GNS: variants seen among roughly 807,000 people sequenced by gnomAD.
GNS encodes N-acetylglucosamine-6-sulfatase.
A neutral mutation model predicts 69.7 loss-of-function variants in GNS; 40 were observed. That is an observed-to-expected ratio of 0.57 (90% CI 0.45 to 0.75). The LOEUF (loss-of-function observed/expected upper bound fraction) is 0.75. GNS is among the 30% of genes least tolerant of loss of function. The pLI is 0.00. For missense variants in GNS, 565 were observed against 685.5 expected (o/e 0.82, Z 1.96); for synonymous variants, 243 against 251.6 (o/e 0.97, Z 0.32).
At chr12:64,746,051 A>G (rs1869888649) in intron 3 of GNS, 4 of 398,504 alleles carry the variant, frequency 1.0e-5, no homozygotes, top group South Asian at 1.0e-4. Context: ...TTCAAATTTT[A>G]ACAGCGATAA....
chr12:64,736,484 T>G (rs1480692760), intron 9 of GNS, among the ~76,000 whole-genome samples: 1 of 152,222 alleles, frequency 6.6e-6, no homozygotes, highest in Non-Finnish European at 1.5e-5. Flanking sequence ...ATCTGCATTT[T>G]AACCAGATCC....
chr12:64,750,429 C>G (rs914555014), intron 2 of GNS, among the ~76,000 whole-genome samples: 1 of 152,068 alleles, frequency 6.6e-6, no homozygotes, highest in Non-Finnish European at 1.5e-5. Context: ...CTCCTGAGCT[C>G]AAGCAATCCA....
intron 12 of GNS, among the ~76,000 whole-genome samples, chr12:64,720,579 AT>A (rs1326437114): frequency 1.3e-5 from 2 of 152,258 alleles, no homozygotes; most frequent in Admixed American, 6.5e-5. Flanking sequence ...GAGAGCGAAT[AT>A]TTAAAGGTGA....
intron 7 of GNS, among the ~76,000 whole-genome samples, chr12:64,739,903 G>T (rs1592502297): frequency 6.6e-6 from 1 of 152,184 alleles, no homozygotes; most frequent in African/African-American, 2.4e-5. Context: ...ATTCAGATAG[G>T]ACTGTGCTAC....
chr12:64,716,598 G>T lies in GNS; in HGVS notation c.*143C>A. ...CATTGCACGAGGAAGTCAGCTGACT[G>T]GGTTGCTTTTTCAAACAGGACTTAA... On this transcript the variant is annotated 3_prime_UTR_variant, in exon 14 of 14. Coordinates refer to ENST00000258145, the MANE Select transcript of GNS (RefSeq NM_002076.4). 1.4e-6 allele frequency: 1 copy of T among 696,726 alleles called. No homozygotes were observed. 43.2% of individuals were successfully genotyped at this position (696,726 alleles called of 1,614,324 possible).
In GNS at chr12:64,732,153, A is replaced by ATTTTTTTTTTTTTTT. The variant is rs1210247666; in HGVS notation, c.1099-3097_1099-3096insAAAAAAAAAAAAAAA. 1.3e-3 allele frequency among the ~76,000 whole-genome samples: 118 copies of ATTTTTTTTTTTTTTT among 88,744 alleles called. 26 individuals carry two copies. The highest frequency in any genetic ancestry group is 1.9e-3 in the Non-Finnish European group (94 of 48,546). 58.2% of individuals were successfully genotyped at this position (88,744 alleles called of 152,430 possible). On this transcript the variant is annotated intron_variant, in intron 9 of 13. Coordinates refer to ENST00000258145, the MANE Select transcript of GNS (RefSeq NM_002076.4). ...AGGCACCTGCCACCACACCTGGCTAATTTTTTTTTTTTGTTGTTTTTTTTT... is the reference window on the plus strand; with the variant it reads ...AGGCACCTGCCACCACACCTGGCTAATTTTTTTTTTTTTTTTTTTTTTTTTTTGTTGTTTTTTTTT...
intron 1 of GNS, among the ~76,000 whole-genome samples, chr12:64,757,202 G>A (rs752165962): frequency 9.9e-5 from 15 of 152,106 alleles, no homozygotes; most frequent in Non-Finnish European, 1.3e-4. Context: ...CTGGCTTAAC[G>A]AAGCAAATTG....
At chr12:64,718,428 C>T (rs1473906319) in intron 13 of GNS, among the ~76,000 whole-genome samples, 2 of 152,256 alleles carry the variant, frequency 1.3e-5, no homozygotes, top group Non-Finnish European at 2.9e-5. Context: ...TAGGAAATAA[C>T]GTATTCACTT....
At chr12:64,717,339 CAT>C (rs1243460490) in intron 13 of GNS, among the ~76,000 whole-genome samples, 2 of 152,114 alleles carry the variant, frequency 1.3e-5, no homozygotes, top group African/African-American at 4.8e-5. Flanking sequence ...TCACCATAAA[CAT>C]GAGTCATTTT....
Position 64,759,106 on chromosome 12 carries a change from C to G in GNS, c.171G>C (p.Gln57His). 1.3e-6 allele frequency: 2 copies of G among 1,564,186 alleles called. No individual in the cohort carries two copies. The highest frequency in any genetic ancestry group is 2.3e-5 in the South Asian group (2 of 85,182). Residue 57 changes from glutamine to histidine, a missense_variant, in exon 1 of 14, where the codon CAG (glutamine) becomes CAC (histidine). Around this residue, in one of 2 missense-constraint regions of GNS, gnomAD observed 181 missense variants for 174.4 expected, o/e 1.04. Transcript: ENST00000258145. The part of the protein sequence containing the change: ...PNVVLLLTDD[Q>H]DEVLGGMTPL... ...TTACCATGCCGCCGAGCACTTCGTC[C>G]TGGTCGTCCGTGAGGAGCAGCACCA...
At chr12:64,742,527 A>G (rs1869777986) in intron 6 of GNS, among the ~76,000 whole-genome samples, 1 of 152,240 alleles carries the variant, frequency 6.6e-6, no homozygotes, top group Admixed American at 6.5e-5. Context: ...AAGTGGTAGT[A>G]CTGAGTTTGA....
chr12:64,731,318 C>T (rs1050417803), intron 9 of GNS, among the ~76,000 whole-genome samples: 1 of 152,218 alleles, frequency 6.6e-6, no homozygotes, highest in East Asian at 1.9e-4. Context: ...TTCAAGTGAT[C>T]CGCCTGCCCT....
At chr12:64,733,891 CAATA>C in intron 9 of GNS, among the ~76,000 whole-genome samples, 1 of 150,976 alleles carries the variant, frequency 6.6e-6, no homozygotes, top group Admixed American at 6.6e-5. Flanking sequence ...GAGAAAACGT[CAATA>C]GTCAATCTTT....
At chr12:64,756,053 A>C (rs1180408521) in intron 1 of GNS, among the ~76,000 whole-genome samples, 3 of 152,230 alleles carry the variant, frequency 2.0e-5, no homozygotes, top group Non-Finnish European at 4.4e-5. Context: ...AAAATCAAGA[A>C]AGTGATAAGA....
At chr12:64,754,227 T>C (rs753082799) in intron 1 of GNS, among the ~76,000 whole-genome samples, 1 of 152,140 alleles carries the variant, frequency 6.6e-6, no homozygotes, top group Admixed American at 6.6e-5. Flanking sequence ...TTAAAACAAC[T>C]AACAGGTAAA....
At chr12:64,745,565 G>A in intron 4 of GNS, 94 bp downstream of exon 4, 1 of 863,338 alleles carries the variant, frequency 1.2e-6, no homozygotes, top group South Asian at 1.3e-5. Context: ...AATTGTAAAA[G>A]CAAATAAAGT....
chr12:64,730,690 G>A (rs1323526804), intron 9 of GNS, among the ~76,000 whole-genome samples: 1 of 152,146 alleles, frequency 6.6e-6, no homozygotes, highest in Non-Finnish European at 1.5e-5. Flanking sequence ...CACTGTTACA[G>A]ATAATTTTCC....
chr12:64,725,877 T>G (rs986207325), intron 10 of GNS, among the ~76,000 whole-genome samples: 25 of 150,824 alleles, frequency 1.7e-4, no homozygotes, highest in African/African-American at 6.1e-4. Flanking sequence ...GTGCCTGTAG[T>G]CCCAGCTACT....
chr12:64,750,502 T>C (rs952774474), intron 2 of GNS, among the ~76,000 whole-genome samples: 9 of 152,168 alleles, frequency 5.9e-5, no homozygotes, highest in African/African-American at 2.2e-4. Flanking sequence ...TTTAAAAAAA[T>C]TACTTTGATT....
Sources: allele counts gnomAD v4.1 joint callset (sites outside exome capture counted in the v4.1 genomes callset), GRCh38; gene constraint gnomAD v4.1.1; regional missense constraint gnomAD v4.1.1; transcripts MANE v1.5; gene names NCBI Gene and HGNC (gene_info 2026-07-23, HGNC 2026-07-21).